Variants in DSCAM observed in about 807,000 individuals in gnomAD.
DSCAM encodes DS cell adhesion molecule.
Under a neutral mutation model 217.7 loss-of-function variants are expected in DSCAM, and 47 were observed. The ratio of observed to expected loss-of-function variants is 0.22; its 90% CI spans 0.17 to 0.28. The LOEUF is 0.28. DSCAM is among the 10% of genes least tolerant of loss of function. The probability of loss-of-function intolerance (pLI) is 1.00; values close to 1 mark genes in which losing one functional copy is unlikely to be tolerated. For synonymous variants in DSCAM, 1,056 were observed against 1,015.3 expected, an observed-to-expected ratio of 1.04 and a Z score of -0.76; for missense variants, 2,080 against 2,618.3, an observed-to-expected ratio of 0.79 and a Z score of 4.49.
chr21:40,584,718 G>T (rs150927495), intron 3 of DSCAM, among the ~76,000 whole-genome samples: 3 of 152,044 alleles, frequency 2.0e-5, no homozygotes, highest in Non-Finnish European at 2.9e-5. Flanking sequence ...GGGTTCTCTC[G>T]GTCCAGGAAG....
chr21:40,333,091 C>A (rs1489934616), intron 8 of DSCAM, among the ~76,000 whole-genome samples: 1 of 152,130 alleles, frequency 6.6e-6, no homozygotes, highest in Non-Finnish European at 1.5e-5. Flanking sequence ...AATTAGCTGG[C>A]TGAAATATTC....
At chr21:40,511,915 C>A (rs1391205716) in intron 3 of DSCAM, among the ~76,000 whole-genome samples, 1 of 141,086 alleles carries the variant, frequency 7.1e-6, no homozygotes, top group Non-Finnish European at 1.5e-5. Flanking sequence ...GGCGCGAATC[C>A]GGGAGCTGGA....
chr21:40,456,005 G>A lies in DSCAM; in HGVS notation c.509-86760C>T, dbSNP rs560551713. Among the ~76,000 whole-genome samples the A allele has an allele frequency of 7.9e-5, 12 of 152,110 alleles. No individual in the cohort carries two copies. The South Asian group carries it at 2.5e-3, about 32-fold the overall frequency. On this transcript the variant is annotated intron_variant, in intron 3 of 32. Transcript: ENST00000400454. ...CTAATGCTAAATGACGAGTTAATGG[G>A]TGCAGCACACCAACATGGCACATGT...
chr21:40,825,476 C>G (rs1291650916), intron 1 of DSCAM, among the ~76,000 whole-genome samples: 1 of 152,032 alleles, frequency 6.6e-6, no homozygotes, highest in Non-Finnish European at 1.5e-5. Context: ...TACCACCACG[C>G]CCGGCTAATT....
intron 20 of DSCAM, among the ~76,000 whole-genome samples, chr21:40,112,717 C>A (rs1446827444): frequency 6.6e-6 from 1 of 151,862 alleles, no homozygotes; most frequent in Non-Finnish European, 1.5e-5. Context: ...ACACCCAATA[C>A]AAATGATAAA....
At chr21:40,495,438 G>A (rs989268076) in intron 3 of DSCAM, among the ~76,000 whole-genome samples, 2 of 152,106 alleles carry the variant, frequency 1.3e-5, no homozygotes, top group African/African-American at 2.4e-5. Context: ...GGAAAACCAC[G>A]TGCATCTCAA....
rs34391500 is a variant in DSCAM at position 40,800,715 on chromosome 21, CTT to C, written c.43+45902_43+45903del. ...TTTCTTCTTTCTTCTTTCTTACTTT[CTT>C]TTTTTTTTTTTTTTTTTAAACGGAG... On this transcript the variant is annotated intron_variant, in intron 1 of 32. Transcript: ENST00000400454. 1.7e-3 allele frequency among the ~76,000 whole-genome samples: 220 copies of C among 131,048 alleles called. 2 individuals carry two copies. Among genetic ancestry groups the C allele is most frequent in the Admixed American group, 0.011 (146 of 13,000 alleles). 86.0% of individuals were successfully genotyped at this position (131,048 alleles called of 152,430 possible). A position where few individuals can be genotyped will look rare whatever the true frequency, so the allele number is the denominator to read the frequency against.
At chr21:40,585,525 A>G (rs1328324139) in intron 3 of DSCAM, among the ~76,000 whole-genome samples, 1 of 152,216 alleles carries the variant, frequency 6.6e-6, no homozygotes, top group Non-Finnish European at 1.5e-5. Context: ...ACAGCAAAAT[A>G]CATGGGCAAT....
chr21:40,447,820 G>A (rs2075687092), intron 3 of DSCAM, among the ~76,000 whole-genome samples: 1 of 152,192 alleles, frequency 6.6e-6, no homozygotes, highest in Non-Finnish European at 1.5e-5. Flanking sequence ...AAATATAGCA[G>A]CATAACGAGG....
chr21:40,202,488 G>A (rs764048689), intron 11 of DSCAM, among the ~76,000 whole-genome samples: 11 of 152,154 alleles, frequency 7.2e-5, no homozygotes, highest in Non-Finnish European at 1.2e-4. Flanking sequence ...CTGGAAGCTG[G>A]GCTGGTTATC....
chr21:40,275,882 G>A (rs747291804), intron 11 of DSCAM, among the ~76,000 whole-genome samples: 2 of 152,078 alleles, frequency 1.3e-5, no homozygotes, highest in Non-Finnish European at 2.9e-5. Context: ...CACACACAAG[G>A]GGCCCTGGGC....
intron 3 of DSCAM, among the ~76,000 whole-genome samples, chr21:40,692,094 G>T (rs540837646): frequency 1.3e-5 from 2 of 152,192 alleles, no homozygotes; most frequent in African/African-American, 2.4e-5. Flanking sequence ...ATTCTTTTCC[G>T]AAAGCAGCCA....
intron 6 of DSCAM, among the ~76,000 whole-genome samples, chr21:40,340,136 C>T (rs757248003): frequency 6.6e-6 from 1 of 152,286 alleles, no homozygotes; most frequent in South Asian, 2.1e-4. Flanking sequence ...TTAAATCTCT[C>T]TAAAAGTATC....
In DSCAM at chr21:40,846,744, T is replaced by A; in HGVS notation, c.-83A>T. ...CGCCCGGCCCGGCTCCGCTCGCCGC[T>A]CGGCACCTGCCCGGGGGCCGCCGCC... is the stretch of plus-strand genomic sequence containing the variant. On this transcript the variant is annotated 5_prime_UTR_variant, in exon 1 of 33. Transcript: ENST00000400454. 2 of 569,440 alleles carry A rather than the reference T, an allele frequency of 3.5e-6. No homozygotes were observed. Among genetic ancestry groups the A allele is most frequent in the Non-Finnish European group, 4.5e-6 (2 of 445,084 alleles). 35.3% of individuals were successfully genotyped at this position (569,440 alleles called of 1,614,324 possible). A position where few individuals can be genotyped will look rare whatever the true frequency, so the allele number is the denominator to read the frequency against.
intron 3 of DSCAM, among the ~76,000 whole-genome samples, chr21:40,678,674 C>G (rs978456562): frequency 1.3e-5 from 2 of 152,204 alleles, no homozygotes; most frequent in Admixed American, 6.5e-5. Flanking sequence ...GATCCATCAT[C>G]ATAAATTGGT....
At chr21:40,244,332 T>C (rs2073193414) in intron 11 of DSCAM, among the ~76,000 whole-genome samples, 1 of 150,978 alleles carries the variant, frequency 6.6e-6, no homozygotes, top group Non-Finnish European at 1.5e-5. Flanking sequence ...ACACCTATAA[T>C]CCCAACTACT....
chr21:40,640,390 T>C (rs1209839057), intron 3 of DSCAM, among the ~76,000 whole-genome samples: 1 of 152,170 alleles, frequency 6.6e-6, no homozygotes. Flanking sequence ...TCTCTGCCCT[T>C]ACCATGTGGG....
chr21:40,037,987 C>T (rs1035089541), intron 32 of DSCAM, among the ~76,000 whole-genome samples: 40 of 146,162 alleles, frequency 2.7e-4, no homozygotes, highest in Admixed American at 6.9e-4. Context: ...AAACTGGATC[C>T]CTTCCTTACA....
chr21:40,060,281 G>A (rs974751945), intron 28 of DSCAM, among the ~76,000 whole-genome samples: 3 of 152,202 alleles, frequency 2.0e-5, no homozygotes, highest in Non-Finnish European at 2.9e-5. Context: ...TATTCATAGA[G>A]GATGCTTGCT....
Sources: gnomAD v4.1 joint callset for allele counts (sites outside exome capture counted in the v4.1 genomes callset) on GRCh38, gnomAD v4.1.1 for gene constraint, MANE v1.5 for transcripts, NCBI Gene and HGNC (gene_info 2026-07-23, HGNC 2026-07-21) for gene names.